DMXL2: variants seen among roughly 807,000 people sequenced by gnomAD.
DMXL2 encodes the protein dmX-like protein 2.
Under a neutral mutation model 331.1 loss-of-function variants are expected in DMXL2, and 103 were observed. The observed-to-expected ratio is 0.31, with a 90% CI of 0.27 to 0.37. The LOEUF (loss-of-function observed/expected upper bound fraction) is 0.37. Among genes scored for constraint, DMXL2 ranks in the 10% least tolerant of loss-of-function variants. The probability of loss-of-function intolerance (pLI) is 1.00; values close to 1 mark genes in which losing one functional copy is unlikely to be tolerated. For missense variants in DMXL2, 3,171 were observed against 3,642.9 expected (o/e 0.87, Z 3.33); for synonymous variants, 1,281 against 1,252.1 (o/e 1.02, Z -0.49).
intron 1 of DMXL2, among the ~76,000 whole-genome samples, chr15:51,596,433 G>T (rs1428235034): frequency 2.6e-5 from 4 of 152,210 alleles, no homozygotes; most frequent in Non-Finnish European, 5.9e-5. Context: ...AGGTGCTGGA[G>T]AGGATGTGGA....
At chr15:51,612,887 C>T (rs2054068803) in intron 1 of DMXL2, among the ~76,000 whole-genome samples, 1 of 152,164 alleles carries the variant, frequency 6.6e-6, no homozygotes, top group South Asian at 2.1e-4. Context: ...AAAAGACAGC[C>T]AGCCCCAAAG....
At chr15:51,513,615 T>C (rs747409113) in intron 15 of DMXL2, among the ~76,000 whole-genome samples, 1 of 152,176 alleles carries the variant, frequency 6.6e-6, no homozygotes, top group Non-Finnish European at 1.5e-5. Context: ...CCTTAGATGC[T>C]ATACATAATT....
Position 51,622,490 on chromosome 15 carries a change from G to T in DMXL2, c.56C>A (p.Ser19Tyr). ...GGGGACATCCCCGACGCTGCCCACG[G>T]AGTAGCAGTTGTCTCCAGGGTTGAC... ...GAVNPGDNCY[S>Y]VGSVGDVPFT... is the part of the protein sequence containing the mutation. The change falls in exon 1 of 44, where the codon TCC (serine) becomes TAC (tyrosine). Residue 19 changes from serine to tyrosine, a missense_variant. By Grantham distance (144) the Ser-to-Tyr change is moderately radical. Around this residue, in one of 7 missense-constraint regions of DMXL2, gnomAD observed 1,674 missense variants for 1,780.2 expected, o/e 0.94. Transcript: ENST00000560891. The T allele has an allele frequency of 6.4e-7, 1 of 1,569,842 alleles. No individual in the cohort carries two copies. Among genetic ancestry groups the T allele is most frequent in the East Asian group, 2.4e-5 (1 of 42,106 alleles).
At chr15:51,516,605 A>T (rs1354692705) in intron 14 of DMXL2, among the ~76,000 whole-genome samples, 1 of 152,250 alleles carries the variant, frequency 6.6e-6, no homozygotes, top group African/African-American at 2.4e-5. Context: ...CTTTGCTACA[A>T]ATACAATTCA....
intron 6 of DMXL2, among the ~76,000 whole-genome samples, chr15:51,562,221 T>C (rs1378327010): frequency 1.3e-5 from 2 of 152,152 alleles, no homozygotes; most frequent in Non-Finnish European, 2.9e-5. Context: ...AAATATCACA[T>C]GTATCCCATA....
intron 36 of DMXL2, 36 bp downstream of exon 36, chr15:51,458,470 C>T (rs1229821537): frequency 1.9e-6 from 3 of 1,602,024 alleles, no homozygotes; most frequent in Non-Finnish European, 2.6e-6. Flanking sequence ...GTACTTCTTA[C>T]AGAAAACTAT....
intron 16 of DMXL2, among the ~76,000 whole-genome samples, chr15:51,504,732 T>A (rs1052181742): frequency 6.6e-6 from 1 of 152,164 alleles, no homozygotes. Flanking sequence ...CAAACTTGGA[T>A]CCGTAGTCAG....
intron 1 of DMXL2, among the ~76,000 whole-genome samples, chr15:51,596,646 C>T (rs1007223098): frequency 2.6e-5 from 4 of 152,118 alleles, no homozygotes; most frequent in Non-Finnish European, 4.4e-5. Context: ...GCACTGTTCA[C>T]AATAGCAAAG....
At chr15:51,622,032 C>A (rs2054669995) in intron 1 of DMXL2, among the ~76,000 whole-genome samples, 1 of 149,386 alleles carries the variant, frequency 6.7e-6, no homozygotes, top group African/African-American at 2.5e-5. Flanking sequence ...CGCTCCGAGA[C>A]CAACACCAAG....
chr15:51,451,477 T>C (rs1053972319), intron 42 of DMXL2, among the ~76,000 whole-genome samples, 168 bp downstream of exon 42: 5 of 152,228 alleles, frequency 3.3e-5, no homozygotes, highest in Non-Finnish European at 7.3e-5. Context: ...GGAAGCCAGA[T>C]ATGCTAATTA....
intron 16 of DMXL2, among the ~76,000 whole-genome samples, chr15:51,503,437 T>C (rs1447992653): frequency 1.3e-5 from 2 of 152,182 alleles, no homozygotes; most frequent in Non-Finnish European, 2.9e-5. Context: ...AGTTGGAAAT[T>C]GCAGGTCAGT....
intron 9 of DMXL2, 62 bp from the exon 10 acceptor site, chr15:51,538,514 CT>C: frequency 1.6e-6 from 2 of 1,279,090 alleles, no homozygotes; most frequent in Non-Finnish European, 2.1e-6. Context: ...ATGACAAGTG[CT>C]TACAATGACT....
intron 1 of DMXL2, among the ~76,000 whole-genome samples, chr15:51,590,331 T>C (rs929030966): frequency 1.3e-5 from 2 of 152,180 alleles, no homozygotes; most frequent in Non-Finnish European, 2.9e-5. Flanking sequence ...GTGATTCTCA[T>C]GTAAGCCAGT....
chr15:51,538,431 C>T lies in DMXL2; in HGVS notation c.1127G>A (p.Gly376Asp), dbSNP rs759001173. 3 of 1,604,616 alleles carry T rather than the reference C, an allele frequency of 1.9e-6. No individual in the cohort carries two copies. Among genetic ancestry groups the T allele is most frequent in the East Asian group, 2.2e-5 (1 of 44,736 alleles). The change falls in exon 10 of 44, where the codon GGC becomes GAC. Residue 376 changes from glycine to aspartate, a missense_variant. By Grantham distance (94) the Gly-to-Asp change is moderately conservative (BLOSUM62 -1). Transcript: ENST00000560891. Reference sequence around the variant, plus strand: ...TCCATCATCAACATTAAATGCAGTGCCAACCAAGACATTTGGAATATCTGT... The same window carrying T: ...TCCATCATCAACATTAAATGCAGTGTCAACCAAGACATTTGGAATATCTGT... ...PATDIPNVLV[G>D]TAFNVDDGNG... is the part of the protein sequence containing the mutation.
At chr15:51,553,381 T>C (rs1443388071) in intron 6 of DMXL2, among the ~76,000 whole-genome samples, 2 of 152,218 alleles carry the variant, frequency 1.3e-5, no homozygotes, top group African/African-American at 4.8e-5. Context: ...ATAAAGTCTA[T>C]TATGATATGA....
At chr15:51,534,098 G>T (rs968863256) in intron 13 of DMXL2, among the ~76,000 whole-genome samples, 8 of 152,126 alleles carry the variant, frequency 5.3e-5, no homozygotes, top group Non-Finnish European at 8.8e-5. Context: ...GAGGGGGAAA[G>T]ACTTCGGGAT....
At chr15:51,463,936 CA>C (rs576205773) in intron 32 of DMXL2, among the ~76,000 whole-genome samples, 34 of 144,928 alleles carry the variant, frequency 2.3e-4, no homozygotes, top group Admixed American at 2.8e-4. Flanking sequence ...TCCACTACCT[CA>C]AAAAAAAAAG....
intron 9 of DMXL2, among the ~76,000 whole-genome samples, chr15:51,538,710 C>T (rs1352783608): frequency 6.6e-6 from 1 of 151,774 alleles, no homozygotes; most frequent in Non-Finnish European, 1.5e-5. Flanking sequence ...AGTTTGGGGA[C>T]AGGGGATGAA....
intron 17 of DMXL2, among the ~76,000 whole-genome samples, chr15:51,500,706 C>T (rs577687414): frequency 5.3e-5 from 8 of 152,284 alleles, no homozygotes; most frequent in Admixed American, 2.0e-4. Context: ...CCAGGTGGTA[C>T]ACCAAATTTT....
Sources: gnomAD v4.1 joint callset for allele counts (sites outside exome capture counted in the v4.1 genomes callset) on GRCh38, gnomAD v4.1.1 for gene constraint, gnomAD v4.1.1 regional missense constraint, MANE v1.5 for transcripts, NCBI Gene and HGNC (gene_info 2026-07-23, HGNC 2026-07-21) for gene names.